The following FAF1 variants were observed in gnomAD, a reference collection of about 807,000 sequenced individuals.
FAF1 encodes the protein FAS-associated factor 1.
FAF1 carries 25 observed loss-of-function variants against 92.5 expected under a neutral mutation model. The ratio of observed to expected loss-of-function variants is 0.27; its 90% CI spans 0.20 to 0.38. The LOEUF (loss-of-function observed/expected upper bound fraction) is 0.38. Among genes scored for constraint, FAF1 ranks in the 10% least tolerant of loss-of-function variants. The probability of loss-of-function intolerance (pLI) is 1.00; values close to 1 mark genes in which losing one functional copy is unlikely to be tolerated. For missense variants in FAF1, 636 were observed against 793.3 expected, an observed-to-expected ratio of 0.80 and a Z score of 2.38; for synonymous variants, 234 against 273.2, an observed-to-expected ratio of 0.86 and a Z score of 1.42.
At chr1:50,887,390 A>G (rs899027964) in intron 1 of FAF1, among the ~76,000 whole-genome samples, 9 of 152,040 alleles carry the variant, frequency 5.9e-5, no homozygotes, top group African/African-American at 2.2e-4. Flanking sequence ...ATTAGATCCC[A>G]TTTGTCAATT....
chr1:50,845,278 G>A (rs1300771193), intron 2 of FAF1, among the ~76,000 whole-genome samples: 1 of 152,180 alleles, frequency 6.6e-6, no homozygotes, highest in East Asian at 1.9e-4. Context: ...TGAGCGTAAG[G>A]ATACCCAGTA....
intron 4 of FAF1, among the ~76,000 whole-genome samples, chr1:50,768,113 T>G (rs539694180): frequency 1.3e-5 from 2 of 151,908 alleles, no homozygotes; most frequent in Admixed American, 1.3e-4. Flanking sequence ...ATCTACCAAG[T>G]CAACAGAAAA....
chr1:50,807,880 T>C (rs1361132032), intron 2 of FAF1, among the ~76,000 whole-genome samples: 1 of 152,138 alleles, frequency 6.6e-6, no homozygotes, highest in African/African-American at 2.4e-5. Context: ...TTGCTAAACA[T>C]GCCAACATTC....
intron 7 of FAF1, among the ~76,000 whole-genome samples, chr1:50,659,803 T>C (rs1367403721): frequency 2.6e-5 from 4 of 152,230 alleles, no homozygotes; most frequent in African/African-American, 4.8e-5. Context: ...ATTCAAGATT[T>C]TCTAAAGGTA....
chr1:50,665,999 A>G (rs1198823014), intron 7 of FAF1, among the ~76,000 whole-genome samples: 1 of 152,046 alleles, frequency 6.6e-6, no homozygotes, highest in Non-Finnish European at 1.5e-5. Context: ...CAACATGGTG[A>G]AACCCTGTCT....
At chr1:50,855,372 C>G (rs1644382645) in intron 2 of FAF1, among the ~76,000 whole-genome samples, 3 of 151,738 alleles carry the variant, frequency 2.0e-5, no homozygotes, top group South Asian at 4.2e-4. Context: ...ATTGTAGTGC[C>G]TAACTCAGAT....
chr1:50,622,321 G>A (rs1318546003), intron 8 of FAF1, among the ~76,000 whole-genome samples: 1 of 152,008 alleles, frequency 6.6e-6, no homozygotes, highest in Admixed American at 6.6e-5. Context: ...AGCTATTCAG[G>A]GCCAAGAACT....
intron 7 of FAF1, 98 bp downstream of exon 7, chr1:50,705,688 A>C (rs927313316): frequency 3.3e-6 from 2 of 600,386 alleles, no homozygotes; most frequent in Non-Finnish European, 5.9e-6. Context: ...ATGAAACATA[A>C]AGAGAATTTC....
intron 8 of FAF1, among the ~76,000 whole-genome samples, chr1:50,640,454 A>G (rs1654271534): frequency 6.6e-6 from 1 of 151,828 alleles, no homozygotes; most frequent in Non-Finnish European, 1.5e-5. Flanking sequence ...CACCATACCC[A>G]GCTACTTTTT....
At chr1:50,739,082 G>C in intron 5 of FAF1, 128 bp from the exon 6 acceptor site, 1 of 597,762 alleles carries the variant, frequency 1.7e-6, no homozygotes, top group East Asian at 2.9e-5. Context: ...TCCTAAATAG[G>C]GTAATGCAAA....
At chr1:50,608,880 G>A (rs2124128699) in intron 8 of FAF1, among the ~76,000 whole-genome samples, 2 of 152,270 alleles carry the variant, frequency 1.3e-5, no homozygotes, top group Admixed American at 1.3e-4. Context: ...CCTTCTCAGT[G>A]CCTTAATTTC....
chr1:50,614,343 C>T (rs1458592269), intron 8 of FAF1, among the ~76,000 whole-genome samples: 4 of 151,558 alleles, frequency 2.6e-5, no homozygotes, highest in East Asian at 3.9e-4. Flanking sequence ...CTACTAAGTC[C>T]GATTATTCAA....
intron 4 of FAF1, among the ~76,000 whole-genome samples, chr1:50,746,278 ATATATATATATATATTTTTTTT>A (rs1233973995): frequency 4.4e-4 from 9 of 20,328 alleles, no homozygotes; most frequent in Non-Finnish European, 6.3e-4. Flanking sequence ...ATATATATAT[ATATATATATATATATTTTTTTT>A]TTTTTTTTTT....
At chr1:50,457,042 C>T (rs1184571982) in intron 18 of FAF1, among the ~76,000 whole-genome samples, 1 of 151,594 alleles carries the variant, frequency 6.6e-6, no homozygotes, top group Non-Finnish European at 1.5e-5. Flanking sequence ...TCAGTTTTTT[C>T]ATCTAGAAAA....
At chr1:50,564,288 A>G (rs1251702142) in intron 13 of FAF1, among the ~76,000 whole-genome samples, 8 of 152,078 alleles carry the variant, frequency 5.3e-5, no homozygotes, top group African/African-American at 9.7e-5. Context: ...AGGACTCTCT[A>G]AATTTTTATG....
At chr1:50,757,749 A>G (rs1461719283) in intron 4 of FAF1, among the ~76,000 whole-genome samples, 1 of 151,998 alleles carries the variant, frequency 6.6e-6, no homozygotes, top group Non-Finnish European at 1.5e-5. Flanking sequence ...TATGTATTAT[A>G]ATTATTTATA....
chr1:50,859,570 C>T (rs1644416113), intron 1 of FAF1, among the ~76,000 whole-genome samples: 2 of 151,814 alleles, frequency 1.3e-5, no homozygotes, highest in Admixed American at 1.3e-4. Context: ...AAGATCTCTA[C>T]AAGGAGAACT....
intron 2 of FAF1, among the ~76,000 whole-genome samples, chr1:50,855,704 T>C (rs1644385811): frequency 6.6e-6 from 1 of 151,808 alleles, no homozygotes; most frequent in South Asian, 2.1e-4. Flanking sequence ...GGATAAATGA[T>C]AAAATGTAAA....
At chr1:50,734,748 A>AT (rs1358864593) in intron 6 of FAF1, among the ~76,000 whole-genome samples, 2 of 151,388 alleles carry the variant, frequency 1.3e-5, no homozygotes, top group Non-Finnish European at 2.9e-5. Flanking sequence ...AAAAAAAAAA[A>AT]GAAAAAGAAA....
Sources: allele counts gnomAD v4.1 joint callset (sites outside exome capture counted in the v4.1 genomes callset), GRCh38; gene constraint gnomAD v4.1.1; transcripts MANE v1.5; gene names NCBI Gene and HGNC (gene_info 2026-07-23, HGNC 2026-07-21).